PRORP: variants seen among roughly 807,000 people sequenced by gnomAD.
PRORP encodes the protein protein only RNase P catalytic subunit.
PRORP carries 51 observed loss-of-function variants against 59.4 expected under a neutral mutation model. The ratio of observed to expected loss-of-function variants is 0.86; its 90% CI spans 0.69 to 1.08. PRORP has a LOEUF of 1.08. PRORP is among the 50% of genes least tolerant of loss of function. The pLI, the probability that PRORP is intolerant of heterozygous loss-of-function variation, is 0.00. For missense variants in PRORP, 646 were observed against 690.3 expected (o/e 0.94, Z 0.72); for synonymous variants, 231 against 245.6 (o/e 0.94, Z 0.55).
upstream of PRORP, chr14:35,122,334 C>T: frequency 4.6e-6 from 1 of 218,902 alleles, no homozygotes. Flanking sequence ...AGGGAAGCGC[C>T]TTCTTTCACA....
intron 5 of PRORP, among the ~76,000 whole-genome samples, chr14:35,259,462 A>G (rs963050132): frequency 6.6e-6 from 1 of 151,966 alleles, no homozygotes; most frequent in Non-Finnish European, 1.5e-5. Context: ...TGTTATTGAT[A>G]TGTTAGGGCT....
At chr14:35,126,061 C>T (rs1595153859) in intron 2 of PRORP, among the ~76,000 whole-genome samples, 1 of 152,048 alleles carries the variant, frequency 6.6e-6, no homozygotes, top group South Asian at 2.1e-4. Flanking sequence ...TTTACAAAGG[C>T]AGTTGCCAAG....
chr14:35,172,285 G>A (rs1276767259), intron 4 of PRORP, among the ~76,000 whole-genome samples: 1 of 151,802 alleles, frequency 6.6e-6, no homozygotes, highest in African/African-American at 2.4e-5. Flanking sequence ...CTGACCTCAG[G>A]TGAGGCACCT....
chr14:35,271,027 C>CA (rs2051173802), intron 7 of PRORP, among the ~76,000 whole-genome samples: 2 of 151,796 alleles, frequency 1.3e-5, no homozygotes, highest in African/African-American at 4.8e-5. Context: ...ACAGAGCTTG[C>CA]AGTGAGCCGA....
chr14:35,162,336 A>G (rs2138954428), intron 4 of PRORP, among the ~76,000 whole-genome samples: 1 of 152,254 alleles, frequency 6.6e-6, no homozygotes. Context: ...AAAATATGAG[A>G]ATTCTTTCTC....
At chr14:35,251,600 C>A (rs2050614894) in intron 5 of PRORP, among the ~76,000 whole-genome samples, 1 of 152,084 alleles carries the variant, frequency 6.6e-6, no homozygotes, top group South Asian at 2.1e-4. Flanking sequence ...TACTCTGTTG[C>A]CCAGGCTAGA....
At chr14:35,178,906 T>A (rs1318412343) in intron 4 of PRORP, among the ~76,000 whole-genome samples, 10 of 152,234 alleles carry the variant, frequency 6.6e-5, no homozygotes. Context: ...GTTTAGTGCT[T>A]CCTTCAGAAG....
chr14:35,221,969 C>T (rs553968963), intron 5 of PRORP, among the ~76,000 whole-genome samples: 1 of 152,220 alleles, frequency 6.6e-6, no homozygotes, highest in South Asian at 2.1e-4. Flanking sequence ...TTTTTTCAGT[C>T]ACTTCACTTG....
In PRORP at chr14:35,126,758, G is replaced by C. The variant is rs987472564; in HGVS notation, c.1010G>C (p.Gly337Ala). ...AGTGTTCCTGGAAAACAATGGAAAG[G>C]ACAATTCACCACAGTCCGAAAAAGG... The part of the protein sequence containing the change: ...FESVPGKQWK[G>A]QFTTVRKSGQ... The change falls in exon 3 of 8, where the codon GGA (glycine) becomes GCA (alanine). Residue 337 changes from glycine to alanine, a missense_variant. Gly to Ala is a moderately conservative substitution (Grantham distance 60, BLOSUM62 0). Transcript: ENST00000534898. 1 of 1,610,574 alleles carries C rather than the reference G, an allele frequency of 6.2e-7. No homozygotes were observed. Among genetic ancestry groups the C allele is most frequent in the African/African-American group, 1.3e-5 (1 of 74,836 alleles).
chr14:35,127,667 C>T (rs1303710729), intron 4 of PRORP, 56 bp downstream of exon 4: 4 of 1,590,814 alleles, frequency 2.5e-6, no homozygotes, highest in Admixed American at 1.8e-5. Context: ...CAGGGGTTAG[C>T]AATTTTTGTA....
intron 4 of PRORP, among the ~76,000 whole-genome samples, chr14:35,165,862 T>C (rs769836932): frequency 5.3e-5 from 8 of 152,122 alleles, no homozygotes; most frequent in Non-Finnish European, 1.0e-4. Flanking sequence ...GTATTTTTTG[T>C]AGAGACAAGG....
intron 5 of PRORP, among the ~76,000 whole-genome samples, chr14:35,252,901 C>A (rs1174348178): frequency 6.6e-6 from 1 of 152,334 alleles, no homozygotes; most frequent in East Asian, 1.9e-4. Flanking sequence ...TCCACCTGTT[C>A]TGTAGATTCT....
At position 35,267,550 on chromosome 14, in the gene PRORP, G is replaced by T. The variant is rs113321595; in HGVS notation, c.1424+675G>T. On this transcript the variant is annotated intron_variant, in intron 6 of 7. Coordinates refer to ENST00000534898, the MANE Select transcript of PRORP (RefSeq NM_014672.4). Reference sequence around the variant, plus strand: ...TGTAATCCCAACACTTTGGGAGGCCGAGGCGGGCAGATCACGAGGTCAGGA... The same window carrying T: ...TGTAATCCCAACACTTTGGGAGGCCTAGGCGGGCAGATCACGAGGTCAGGA... Among the ~76,000 whole-genome samples, 2 of 152,282 alleles carry T rather than the reference G, an allele frequency of 1.3e-5. 1 individual carries two copies. The highest frequency in any genetic ancestry group is 4.8e-5 in the African/African-American group (2 of 41,562).
chr14:35,127,828 CAGT>C (rs1380359756), intron 4 of PRORP, among the ~76,000 whole-genome samples: 2 of 152,118 alleles, frequency 1.3e-5, no homozygotes, highest in African/African-American at 4.8e-5. Context: ...TGAAAACAAG[CAGT>C]AGGCTGGATT....
At chr14:35,256,177 G>A (rs180795449) in intron 5 of PRORP, among the ~76,000 whole-genome samples, 20 of 149,610 alleles carry the variant, frequency 1.3e-4, no homozygotes, top group East Asian at 8.0e-4. Context: ...CCAGATGCTC[G>A]GGAGGCTGAG....
chr14:35,232,091 G>A (rs941646335), intron 5 of PRORP, among the ~76,000 whole-genome samples: 1 of 152,038 alleles, frequency 6.6e-6, no homozygotes, highest in African/African-American at 2.4e-5. Flanking sequence ...CTTAATCATA[G>A]GTTCAAGATT....
chr14:35,207,064 A>T (rs376728357), intron 5 of PRORP, among the ~76,000 whole-genome samples: 1 of 151,858 alleles, frequency 6.6e-6, no homozygotes, highest in East Asian at 1.9e-4. Context: ...TCTCTTTTTA[A>T]ATTTTTCTTC....
chr14:35,147,293 T>C (rs1426747630), intron 4 of PRORP, among the ~76,000 whole-genome samples: 1 of 152,208 alleles, frequency 6.6e-6, no homozygotes, highest in African/African-American at 2.4e-5. Context: ...TGTTGGTGGC[T>C]GCTGACTGAT....
chr14:35,268,906 A>G (rs549230343), intron 6 of PRORP, among the ~76,000 whole-genome samples: 1 of 152,274 alleles, frequency 6.6e-6, no homozygotes, highest in East Asian at 1.9e-4. Context: ...CAAATCATTT[A>G]TTATTTAAAA....
Sources: allele counts gnomAD v4.1 joint callset (sites outside exome capture counted in the v4.1 genomes callset), GRCh38; gene constraint gnomAD v4.1.1; transcripts MANE v1.5; gene names NCBI Gene and HGNC (gene_info 2026-07-23, HGNC 2026-07-21).